Variants in DRC2 observed in about 807,000 individuals in gnomAD.
DRC2 encodes the protein coiled-coil domain containing 65.
the DRC2 span, chr12:48,920,914 T>C: frequency 1.2e-6 from 2 of 1,602,364 alleles, no homozygotes; most frequent in Non-Finnish European, 1.7e-6. Flanking sequence ...ATAAACTCTC[T>C]TCCCGCTTCA....
the DRC2 span, chr12:48,914,666 TTGG>T: frequency 8.5e-7 from 1 of 1,169,970 alleles, no homozygotes; most frequent in South Asian, 1.5e-5. Flanking sequence ...GGCTAGTATC[TTGG>T]AGCATCCCAC....
At chr12:48,912,173 A>G in the DRC2 span, among the ~76,000 whole-genome samples, 46 of 152,098 alleles carry the variant, frequency 3.0e-4, no homozygotes, top group Non-Finnish European at 6.3e-4. Flanking sequence ...AGGCAGGAGA[A>G]TCACTTGAAC....
At chr12:48,917,186 C>T in the DRC2 span, 7 of 1,540,490 alleles carry the variant, frequency 4.5e-6, no homozygotes, top group Non-Finnish European at 5.3e-6. Flanking sequence ...CACAGTGGCT[C>T]ACACCTGTAA....
At chr12:48,911,385 C>T in the DRC2 span, among the ~76,000 whole-genome samples, 1 of 151,862 alleles carries the variant, frequency 6.6e-6, no homozygotes, top group Non-Finnish European at 1.5e-5. Context: ...ATGGCAAAAA[C>T]CTGTCTACAA....
chr12:48,904,660 T>C, the DRC2 span, among the ~76,000 whole-genome samples: 1 of 152,154 alleles, frequency 6.6e-6, no homozygotes, highest in Non-Finnish European at 1.5e-5. Flanking sequence ...GGGTGCGTGG[T>C]ATACGGCTTG....
the DRC2 span, among the ~76,000 whole-genome samples, chr12:48,915,756 G>C: frequency 6.7e-6 from 1 of 149,544 alleles, no homozygotes; most frequent in African/African-American, 2.5e-5. Context: ...CTCCCGGATG[G>C]GGCGGCTGGC....
At chr12:48,920,110 C>CT in the DRC2 span, among the ~76,000 whole-genome samples, 5 of 29,460 alleles carry the variant, frequency 1.7e-4, no homozygotes, top group African/African-American at 5.4e-4. Flanking sequence ...AAGACCCTGT[C>CT]TAAAAAAAAA....
At chr12:48,918,140 G>C in the DRC2 span, 1 of 757,016 alleles carries the variant, frequency 1.3e-6, no homozygotes, top group South Asian at 1.8e-5. Context: ...GCCTGGTCTT[G>C]TGTAGGCATT....
At chr12:48,918,302 C>A in the DRC2 span, 4 of 1,614,194 alleles carry the variant, frequency 2.5e-6, no homozygotes, top group Non-Finnish European at 3.4e-6. Context: ...CTTTCTAAGA[C>A]TGCACCTGGA....
the DRC2 span, chr12:48,921,437 C>T: frequency 1.2e-6 from 2 of 1,604,910 alleles, no homozygotes; most frequent in African/African-American, 1.3e-5. Flanking sequence ...AACATCCAAC[C>T]ACTTAAAATA....
At chr12:48,913,005 C>T in the DRC2 span, among the ~76,000 whole-genome samples, 53 of 151,732 alleles carry the variant, frequency 3.5e-4, no homozygotes, top group South Asian at 0.01. Context: ...GTCGTGGTGG[C>T]ATGCATCTGT....
chr12:48,917,456 CCT>C, the DRC2 span, among the ~76,000 whole-genome samples: 86 of 151,484 alleles, frequency 5.7e-4, no homozygotes, highest in African/African-American at 1.9e-3. Flanking sequence ...AGAGCGAGAC[CCT>C]GTCTCAAAAA....
chr12:48,913,132 T>TAAA, the DRC2 span, among the ~76,000 whole-genome samples: 1 of 50,442 alleles, frequency 2.0e-5, no homozygotes, highest in African/African-American at 1.0e-4. Context: ...AGACTCCGTC[T>TAAA]CAAAAAAAAA....
the DRC2 span, among the ~76,000 whole-genome samples, chr12:48,915,772 G>T: frequency 2.0e-5 from 3 of 150,122 alleles, no homozygotes; most frequent in South Asian, 6.3e-4. Flanking sequence ...CTGGCCGGGC[G>T]GGGGGCTGAC....
At chr12:48,914,777 G>A in the DRC2 span, among the ~76,000 whole-genome samples, 1 of 152,000 alleles carries the variant, frequency 6.6e-6, no homozygotes, top group African/African-American at 2.4e-5. Flanking sequence ...ACTCACGTCA[G>A]GTCCCTGTCT....
the DRC2 span, chr12:48,918,322 A>G: frequency 1.2e-6 from 2 of 1,614,086 alleles, no homozygotes; most frequent in African/African-American, 1.3e-5. Context: ...AGAACAGAGT[A>G]GAAGATCTGT....
the DRC2 span, chr12:48,914,334 C>A: frequency 1.2e-5 from 18 of 1,452,600 alleles, no homozygotes; most frequent in South Asian, 1.4e-5. Flanking sequence ...AAACTGCCAG[C>A]TGAATATATT....
the DRC2 span, among the ~76,000 whole-genome samples, chr12:48,909,916 G>GACT: frequency 6.6e-6 from 1 of 151,916 alleles, no homozygotes; most frequent in Admixed American, 6.6e-5. Flanking sequence ...GCATAGCTGG[G>GACT]ACTACAGGTG....
At chr12:48,911,902 C>T in the DRC2 span, among the ~76,000 whole-genome samples, 5 of 151,724 alleles carry the variant, frequency 3.3e-5, no homozygotes, top group South Asian at 1.0e-3. Context: ...TTTCTCTTGC[C>T]TTTATTTACC....
Sources: allele counts gnomAD v4.1 joint callset (sites outside exome capture counted in the v4.1 genomes callset), GRCh38; gene constraint gnomAD v4.1.1; transcripts MANE v1.5; gene names NCBI Gene and HGNC (gene_info 2026-07-23, HGNC 2026-07-21).